The following RALYL variants were observed in gnomAD, a reference collection of about 807,000 sequenced individuals.
The protein encoded by RALYL is RALY RNA binding protein like.
Under a neutral mutation model 35.1 loss-of-function variants are expected in RALYL, and 29 were observed. That is an observed-to-expected ratio of 0.83 (90% CI 0.61 to 1.13). The LOEUF is 1.13. Ranked by LOEUF, RALYL falls within the 50% of genes most tolerant of loss-of-function variation. The pLI, the probability that RALYL is intolerant of heterozygous loss-of-function variation, is 0.00. For synonymous variants in RALYL, 120 were observed against 127.6 expected, an observed-to-expected ratio of 0.94 and a Z score of 0.40; for missense variants, 359 against 360.4, an observed-to-expected ratio of 1.00 and a Z score of 0.03.
intron 1 of RALYL, among the ~76,000 whole-genome samples, chr8:84,242,029 G>A (rs113566359): frequency 0.013 from 1,918 of 152,126 alleles, 58 homozygotes; most frequent in African/African-American, 0.043. Context: ...ACAGGCCCTA[G>A]TGTGTGTTGT....
At chr8:84,916,196 A>T (rs139504258) in intron 8 of RALYL, among the ~76,000 whole-genome samples, 2 of 152,216 alleles carry the variant, frequency 1.3e-5, no homozygotes, top group Non-Finnish European at 2.9e-5. Context: ...TATAAGTATT[A>T]TAAAGTGACT....
intron 2 of RALYL, among the ~76,000 whole-genome samples, chr8:84,667,956 G>A (rs1330921553): frequency 6.6e-6 from 1 of 152,092 alleles, no homozygotes; most frequent in Admixed American, 6.6e-5. Context: ...AGGAGTGCAT[G>A]GTGGTGTGCA....
At chr8:84,884,516 C>CAT (rs3068158) in intron 7 of RALYL, among the ~76,000 whole-genome samples, 69,263 of 151,494 alleles carry the variant, frequency 0.46, 18,825 homozygotes, top group African/African-American at 0.75. Flanking sequence ...CACACACACA[C>CAT]ATATACACAC....
chr8:84,372,886 GTTTTTTTTT>G (rs76885544), intron 1 of RALYL, among the ~76,000 whole-genome samples: 3,478 of 39,088 alleles, frequency 0.089, 70 homozygotes, highest in East Asian at 0.28. Context: ...GCCAGCATCT[GTTTTTTTTT>G]TTTTTTTTTT....
chr8:84,744,745 C>A (rs370832367), intron 2 of RALYL, among the ~76,000 whole-genome samples: 3 of 151,796 alleles, frequency 2.0e-5, no homozygotes, highest in African/African-American at 7.3e-5. Context: ...CAAATCAGAG[C>A]AAATCATCTA....
chr8:84,517,710 C>T (rs562798523), intron 1 of RALYL, among the ~76,000 whole-genome samples: 1 of 152,198 alleles, frequency 6.6e-6, no homozygotes, highest in East Asian at 1.9e-4. Context: ...ACTCAATGTA[C>T]CTGAAAACAT....
At chr8:84,289,234 C>T in intron 1 of RALYL, among the ~76,000 whole-genome samples, 1 of 152,072 alleles carries the variant, frequency 6.6e-6, no homozygotes, top group East Asian at 1.9e-4. Flanking sequence ...CTGCCAGGTC[C>T]TTGAGAAAGA....
intron 1 of RALYL, among the ~76,000 whole-genome samples, chr8:84,194,346 A>G (rs1814691363): frequency 6.7e-6 from 1 of 149,844 alleles, no homozygotes; most frequent in Non-Finnish European, 1.5e-5. Context: ...ACCAAAACAG[A>G]TTTTTTTTTT....
intron 1 of RALYL, among the ~76,000 whole-genome samples, chr8:84,385,191 A>C (rs1858912042): frequency 1.3e-5 from 2 of 151,852 alleles, no homozygotes; most frequent in Admixed American, 1.3e-4. Context: ...TTATTTTGGA[A>C]AAAATAGCAA....
chr8:84,548,597 C>A (rs1460002382), intron 2 of RALYL, among the ~76,000 whole-genome samples: 1 of 152,086 alleles, frequency 6.6e-6, no homozygotes, highest in Non-Finnish European at 1.5e-5. Context: ...TGTTGTACAT[C>A]TTAAAAGGAA....
At chr8:84,184,501 A>AGT (rs370239239) in intron 1 of RALYL, 77 bp downstream of exon 1, 12 of 155,938 alleles carry the variant, frequency 7.7e-5, no homozygotes, top group Non-Finnish European at 1.4e-4. Flanking sequence ...TGTGAGTGTG[A>AGT]GTGTGTGTGT....
intron 1 of RALYL, among the ~76,000 whole-genome samples, chr8:84,490,875 GA>G (rs1017726808): frequency 6.6e-6 from 1 of 151,644 alleles, no homozygotes; most frequent in Non-Finnish European, 1.5e-5. Context: ...CATTCAATGT[GA>G]TTTAAATTTA....
At chr8:84,456,928 A>C (rs1040356376) in intron 1 of RALYL, among the ~76,000 whole-genome samples, 2 of 152,004 alleles carry the variant, frequency 1.3e-5, no homozygotes, top group Non-Finnish European at 2.9e-5. Context: ...ACTCAATTTT[A>C]GGAGTCGCTT....
chr8:84,689,810 G>A (rs1175860113), intron 2 of RALYL, among the ~76,000 whole-genome samples: 3 of 152,096 alleles, frequency 2.0e-5, no homozygotes, highest in Non-Finnish European at 1.5e-5. Flanking sequence ...GTTTTGATTT[G>A]CATTTCTCTG....
At chr8:84,894,163 G>C (rs1402944301) in intron 8 of RALYL, among the ~76,000 whole-genome samples, 1 of 152,130 alleles carries the variant, frequency 6.6e-6, no homozygotes. Context: ...TTCTTTATAA[G>C]AAAGGCTGAA....
intron 2 of RALYL, among the ~76,000 whole-genome samples, chr8:84,671,606 G>A (rs1468491505): frequency 6.6e-6 from 1 of 152,166 alleles, no homozygotes; most frequent in Non-Finnish European, 1.5e-5. Context: ...ACACCACATG[G>A]AAGCTGCCAC....
At chr8:84,854,383 AT>A (rs1249929143) in intron 5 of RALYL, among the ~76,000 whole-genome samples, 2 of 152,272 alleles carry the variant, frequency 1.3e-5, no homozygotes, top group East Asian at 3.9e-4. Context: ...AGAAAAAAAA[AT>A]AATGGTAGAT....
chr8:84,852,549 T>C (rs1269390918), intron 5 of RALYL, among the ~76,000 whole-genome samples: 6 of 152,200 alleles, frequency 3.9e-5, no homozygotes, highest in Admixed American at 3.9e-4. Context: ...TTAATATACA[T>C]TGTCTTATAC....
At chr8:84,698,516 G>A (rs1310758554) in intron 2 of RALYL, among the ~76,000 whole-genome samples, 1 of 151,912 alleles carries the variant, frequency 6.6e-6, no homozygotes, top group African/African-American at 2.4e-5. Flanking sequence ...TTAGCATCAT[G>A]TATTTATTAC....
Sources: gnomAD v4.1 joint callset for allele counts (sites outside exome capture counted in the v4.1 genomes callset) on GRCh38, gnomAD v4.1.1 for gene constraint, MANE v1.5 for transcripts, NCBI Gene and HGNC (gene_info 2026-07-23, HGNC 2026-07-21) for gene names.